ADARB2: variants seen among roughly 807,000 people sequenced by gnomAD.
The protein encoded by ADARB2 is adenosine deaminase RNA specific B2 (inactive), also known as inactive double-stranded RNA-specific editase B2.
In ADARB2, 25 loss-of-function variants were observed where a neutral mutation model predicts 62.2. The observed-to-expected ratio is 0.40, with a 90% confidence interval of 0.29 to 0.56. ADARB2 has a LOEUF of 0.56. Among genes scored for constraint, ADARB2 ranks in the 20% least tolerant of loss-of-function variants. The probability of loss-of-function intolerance (pLI) is 0.43; values close to 1 mark genes in which losing one functional copy is unlikely to be tolerated. For missense variants in ADARB2, 1,071 were observed against 1,077.4 expected (o/e 0.99, Z 0.08); for synonymous variants, 572 against 500.8 (o/e 1.14, Z -1.90).
intron 1 of ADARB2, among the ~76,000 whole-genome samples, chr10:1,536,571 G>A (rs1404332862): frequency 1.3e-5 from 2 of 152,110 alleles, no homozygotes; most frequent in Admixed American, 6.5e-5. Flanking sequence ...GACGGTGGCC[G>A]CCTCCTTTCA....
intron 1 of ADARB2, among the ~76,000 whole-genome samples, chr10:1,400,146 G>A (rs1832649531): frequency 6.6e-6 from 1 of 152,230 alleles, no homozygotes; most frequent in Admixed American, 6.5e-5. Flanking sequence ...GAGGGGACAG[G>A]CTCCAGGGCT....
At chr10:1,457,109 G>C (rs968190841) in intron 1 of ADARB2, among the ~76,000 whole-genome samples, 3 of 152,054 alleles carry the variant, frequency 2.0e-5, no homozygotes, top group Admixed American at 6.6e-5. Flanking sequence ...CAATCTCCTG[G>C]GACAGGTTTT....
At chr10:1,580,389 C>T (rs927191092) in intron 1 of ADARB2, among the ~76,000 whole-genome samples, 5 of 151,966 alleles carry the variant, frequency 3.3e-5, no homozygotes, top group African/African-American at 1.2e-4. Context: ...TGCATTAGTT[C>T]GCTTAGGATA....
rs7096088 is a variant in ADARB2, at chr10:1,287,790, A to C, written c.1078-16721T>G. ...GGAAGCTAGAGTCTGAGGCAACAGC[A>C]CATTCAAAGGTTAAGTTAGTGTGCT... On this transcript the variant is annotated intron_variant, in intron 3 of 9. Transcript: ENST00000381312. Among the ~76,000 whole-genome samples, 71 of 152,280 alleles carry C rather than the reference A, an allele frequency of 4.7e-4. 1 individual carries two copies. In the South Asian group the frequency reaches 8.7e-3, roughly 19 times the overall value.
intron 1 of ADARB2, among the ~76,000 whole-genome samples, chr10:1,453,053 G>A (rs1831058801): frequency 6.6e-6 from 1 of 152,158 alleles, no homozygotes; most frequent in Non-Finnish European, 1.5e-5. Flanking sequence ...GCCACACTTT[G>A]AGGACCCTGG....
chr10:1,349,022 G>A (rs563939213), intron 3 of ADARB2, among the ~76,000 whole-genome samples: 1 of 152,278 alleles, frequency 6.6e-6, no homozygotes, highest in East Asian at 1.9e-4. Flanking sequence ...GAGGTGTCAG[G>A]CCTCTGAGCC....
intron 3 of ADARB2, among the ~76,000 whole-genome samples, chr10:1,352,539 C>T (rs1832153735): frequency 6.6e-6 from 1 of 152,190 alleles, no homozygotes; most frequent in Non-Finnish European, 1.5e-5. Context: ...GCCTTTCTGT[C>T]CAAACAACTT....
At chr10:1,618,966 G>A (rs571046119) in intron 1 of ADARB2, among the ~76,000 whole-genome samples, 1 of 152,284 alleles carries the variant, frequency 6.6e-6, no homozygotes, top group Admixed American at 6.5e-5. Context: ...ATTAAGGCAG[G>A]CTGCGAAGGA....
intron 1 of ADARB2, among the ~76,000 whole-genome samples, chr10:1,583,048 C>T (rs1003391974): frequency 6.6e-6 from 1 of 152,178 alleles, no homozygotes; most frequent in South Asian, 2.1e-4. Context: ...GCTCTTTCTC[C>T]TGGTGACTGC....
chr10:1,511,416 CAT>C (rs911760426), intron 1 of ADARB2, among the ~76,000 whole-genome samples: 2 of 151,876 alleles, frequency 1.3e-5, no homozygotes, highest in Non-Finnish European at 2.9e-5. Context: ...TGAGGGGAGA[CAT>C]GTGTGGGATG....
chr10:1,510,125 T>TTTCC (rs1831912674), intron 1 of ADARB2, among the ~76,000 whole-genome samples: 6 of 129,948 alleles, frequency 4.6e-5, no homozygotes, highest in Admixed American at 7.9e-5. Flanking sequence ...TCTTTCTTTC[T>TTTCC]TTCTTTCTTT....
At chr10:1,321,485 A>T (rs1281475497) in intron 3 of ADARB2, among the ~76,000 whole-genome samples, 1 of 151,946 alleles carries the variant, frequency 6.6e-6, no homozygotes, top group Non-Finnish European at 1.5e-5. Flanking sequence ...GGCTCAAGTG[A>T]TCCTCCCGCC....
intron 1 of ADARB2, among the ~76,000 whole-genome samples, chr10:1,408,758 C>T (rs1263117631): frequency 6.6e-6 from 1 of 152,204 alleles, no homozygotes; most frequent in East Asian, 1.9e-4. Flanking sequence ...ATTTCACTTG[C>T]CTCCCAGCCT....
chr10:1,705,292 T>C (rs931251389), intron 1 of ADARB2, among the ~76,000 whole-genome samples: 3 of 152,140 alleles, frequency 2.0e-5, no homozygotes, highest in Non-Finnish European at 4.4e-5. Context: ...CTCTGCCCAC[T>C]CTATGCCGGT....
At chr10:1,447,260 G>A (rs1448724232) in intron 1 of ADARB2, among the ~76,000 whole-genome samples, 2 of 152,302 alleles carry the variant, frequency 1.3e-5, no homozygotes, top group Non-Finnish European at 1.5e-5. Context: ...GGCTCCACAG[G>A]TATCTGAGAT....
At chr10:1,316,076 A>G (rs1289501546) in intron 3 of ADARB2, among the ~76,000 whole-genome samples, 1 of 152,252 alleles carries the variant, frequency 6.6e-6, no homozygotes, top group Non-Finnish European at 1.5e-5. Context: ...ACAAATGTTC[A>G]GGAGCAATTA....
At chr10:1,331,116 T>C (rs1831924208) in intron 3 of ADARB2, among the ~76,000 whole-genome samples, 1 of 152,126 alleles carries the variant, frequency 6.6e-6, no homozygotes, top group Non-Finnish European at 1.5e-5. Context: ...ATCAGAAAGA[T>C]AATAACAAGT....
At chr10:1,269,567 G>A (rs1395630156) in intron 4 of ADARB2, among the ~76,000 whole-genome samples, 1 of 152,220 alleles carries the variant, frequency 6.6e-6, no homozygotes, top group Non-Finnish European at 1.5e-5. Context: ...CATTTTAAAG[G>A]TGAGAGAACA....
At chr10:1,360,281 G>C (rs1832240457) in intron 3 of ADARB2, among the ~76,000 whole-genome samples, 1 of 152,318 alleles carries the variant, frequency 6.6e-6, no homozygotes, top group East Asian at 1.9e-4. Flanking sequence ...GCCCTTTTCC[G>C]AGCGTGGGAC....
Sources: gnomAD v4.1 joint callset for allele counts (sites outside exome capture counted in the v4.1 genomes callset) on GRCh38, gnomAD v4.1.1 for gene constraint, MANE v1.5 for transcripts, NCBI Gene and HGNC (gene_info 2026-07-23, HGNC 2026-07-21) for gene names.